ZNF680: variants seen among roughly 807,000 people sequenced by gnomAD.
ZNF680 encodes hypothetical protein FLJ90430.
ZNF680 carries 6 observed loss-of-function variants against 12.1 expected under a neutral mutation model. The ratio of observed to expected loss-of-function variants is 0.49; its 90% CI spans 0.27 to 0.98. The LOEUF is 0.98. ZNF680 is among the 50% of genes least tolerant of loss of function. The pLI is 0.12. For missense variants in ZNF680, 561 were observed against 616.3 expected, an observed-to-expected ratio of 0.91 and a Z score of 0.95; for synonymous variants, 170 against 199.3, an observed-to-expected ratio of 0.85 and a Z score of 1.24.
chr7:64,509,519 TAATC>T, the ZNF680 span, among the ~76,000 whole-genome samples: 1 of 152,238 alleles, frequency 6.6e-6, no homozygotes, highest in Non-Finnish European at 1.5e-5. Flanking sequence ...GTATAAAAGT[TAATC>T]AGTCTTACTT....
At chr7:64,536,962 C>A (rs1020626912) in intron 3 of ZNF680, among the ~76,000 whole-genome samples, 4 of 151,930 alleles carry the variant, frequency 2.6e-5, no homozygotes, top group African/African-American at 9.7e-5. Flanking sequence ...TTCAGCTACA[C>A]GGGGAGCTGA....
In ZNF680 at chr7:64,523,312, A is replaced by T. The variant is rs1248822503; in HGVS notation, c.254-812T>A. Among the ~76,000 whole-genome samples, 7 of 152,240 alleles carry T rather than the reference A, an allele frequency of 4.6e-5. No homozygotes were observed. The East Asian group carries it at 1.4e-3, about 29-fold the overall frequency. ...TGCAAGGGAAGTTAATTTTTCTACC[A>T]GATTATAATGTATATTGTATCCTTT... On this transcript the variant is annotated intron_variant, in intron 3 of 3. Transcript: ENST00000309683.
At chr7:64,553,928 C>T (rs1484732698) in intron 1 of ZNF680, among the ~76,000 whole-genome samples, 1 of 151,944 alleles carries the variant, frequency 6.6e-6, no homozygotes, top group Non-Finnish European at 1.5e-5. Context: ...GTGATCTCGG[C>T]TCGCTACAAC....
chr7:64,554,615 A>G (rs1031216057), intron 1 of ZNF680, among the ~76,000 whole-genome samples: 3 of 152,188 alleles, frequency 2.0e-5, no homozygotes, highest in African/African-American at 7.2e-5. Context: ...AGAAGTGGAC[A>G]TGGGAGACTC....
chr7:64,543,281 A>C (rs1188125067), intron 3 of ZNF680, among the ~76,000 whole-genome samples: 1 of 152,224 alleles, frequency 6.6e-6, no homozygotes, highest in African/African-American at 2.4e-5. Context: ...AATAATAAAA[A>C]TATGAAATGT....
At chr7:64,509,223 T>G in the ZNF680 span, among the ~76,000 whole-genome samples, 28 of 152,332 alleles carry the variant, frequency 1.8e-4, no homozygotes, top group Non-Finnish European at 3.5e-4. Context: ...CAGTGCCACA[T>G]AATGGAATAG....
chr7:64,555,042 T>C (rs12113237), intron 1 of ZNF680, among the ~76,000 whole-genome samples: 34,274 of 151,992 alleles, frequency 0.23, 4,052 homozygotes, highest in South Asian at 0.28. Context: ...AGCAAGTTCT[T>C]AGAGACCTAT....
intron 1 of ZNF680, among the ~76,000 whole-genome samples, chr7:64,557,472 T>C (rs1338446008): frequency 6.8e-6 from 1 of 146,276 alleles, no homozygotes; most frequent in African/African-American, 2.6e-5. Context: ...GGAGAATCGC[T>C]TGAATCCGGG....
chr7:64,540,465 A>G (rs2116474526), intron 3 of ZNF680, among the ~76,000 whole-genome samples: 1 of 151,920 alleles, frequency 6.6e-6, no homozygotes, highest in East Asian at 1.9e-4. Flanking sequence ...CTACCACACC[A>G]GGCTAATTTT....
At chr7:64,526,382 C>A in intron 3 of ZNF680, 2 of 1,406,696 alleles carry the variant, frequency 1.4e-6, no homozygotes, top group Non-Finnish European at 1.9e-6. Flanking sequence ...ATGACTAGCA[C>A]AGTTCTACAT....
chr7:64,535,571 G>GA (rs1260379290), intron 3 of ZNF680, among the ~76,000 whole-genome samples: 1 of 152,028 alleles, frequency 6.6e-6, no homozygotes. Flanking sequence ...GTAACAAAAT[G>GA]AAAAAAATCT....
chr7:64,562,686 A>AG (rs1787811218), intron 1 of ZNF680, among the ~76,000 whole-genome samples: 1 of 152,246 alleles, frequency 6.6e-6, no homozygotes. Flanking sequence ...CTGCCCAGCG[A>AG]GGGCTCCAGG....
intron 2 of ZNF680, 41 bp from the exon 3 acceptor site, chr7:64,543,843 T>A (rs776123245): frequency 6.4e-7 from 1 of 1,560,520 alleles, no homozygotes; most frequent in South Asian, 1.1e-5. Flanking sequence ...TTGCTCATAT[T>A]CTCCAATTAC....
Position 64,563,022 on chromosome 7 carries a change from T to G in ZNF680, c.-68A>C, listed in dbSNP as rs879113658. On this transcript the variant is annotated 5_prime_UTR_variant, in exon 1 of 4. Transcript: ENST00000309683. Reference sequence around the variant, plus strand: ...AGAGGCTGGGCCTCTAGGAGCAGAATACACAGAGCAGTAAAGACTAGACCT... The same window carrying G: ...AGAGGCTGGGCCTCTAGGAGCAGAAGACACAGAGCAGTAAAGACTAGACCT... The G allele has an allele frequency of 9.5e-6, 15 of 1,583,324 alleles. No homozygotes were observed. The highest frequency in any genetic ancestry group is 1.3e-5 in the Non-Finnish European group (15 of 1,153,414).
intron 3 of ZNF680, among the ~76,000 whole-genome samples, chr7:64,529,004 G>C (rs922305312): frequency 6.6e-6 from 1 of 152,110 alleles, no homozygotes; most frequent in Non-Finnish European, 1.5e-5. Context: ...ACAGAACTCC[G>C]GGCAGACAAC....
At chr7:64,503,173 T>A in the ZNF680 span, among the ~76,000 whole-genome samples, 2 of 152,234 alleles carry the variant, frequency 1.3e-5, no homozygotes, top group African/African-American at 4.8e-5. Context: ...GTATTATATA[T>A]AGATGGATGC....
At chr7:64,502,693 GA>G in the ZNF680 span, among the ~76,000 whole-genome samples, 2 of 151,886 alleles carry the variant, frequency 1.3e-5, no homozygotes, top group African/African-American at 4.8e-5. Flanking sequence ...AAATTTGGGG[GA>G]AAAAAACAGT....
Position 64,545,263 on chromosome 7 carries a change from CAAAAAAAAAAAAA to C in ZNF680, c.31-844_31-832del, listed in dbSNP as rs532422147. Among the ~76,000 whole-genome samples, 279 of 89,748 alleles carry C rather than the reference CAAAAAAAAAAAAA, an allele frequency of 3.1e-3. 3 individuals are homozygous for C. The highest frequency in any genetic ancestry group is 5.3e-3 in the Non-Finnish European group (232 of 43,760). The allele number at this position is 89,748 out of a possible 152,430, so 58.9% of individuals were successfully genotyped here. A position where few individuals can be genotyped will look rare whatever the true frequency, so the allele number is the denominator to read the frequency against. On this transcript the variant is annotated intron_variant, in intron 1 of 3. Transcript: ENST00000309683. ...TGGGCAACAGAGTGAGACTCCATCT[CAAAAAAAAAAAAA>C]AAAAAAAAAAAAAAAAGATCCTGTG...
intron 3 of ZNF680, among the ~76,000 whole-genome samples, chr7:64,539,247 C>G (rs56029706): frequency 4.2e-4 from 60 of 143,106 alleles, no homozygotes; most frequent in Non-Finnish European, 2.3e-4. Flanking sequence ...AAAAAAAAAT[C>G]TTGGGAAGCT....
Sources: allele counts gnomAD v4.1 joint callset (sites outside exome capture counted in the v4.1 genomes callset), GRCh38; gene constraint gnomAD v4.1.1; transcripts MANE v1.5; gene names NCBI Gene and HGNC (gene_info 2026-07-23, HGNC 2026-07-21).